GPR158: variants seen among roughly 807,000 people sequenced by gnomAD.
The protein encoded by GPR158 is G protein-coupled receptor 158.
GPR158 carries 30 observed loss-of-function variants against 78.2 expected under a neutral mutation model. The observed-to-expected ratio is 0.38, with a 90% CI of 0.29 to 0.52. GPR158 has a LOEUF of 0.52. Among genes scored for constraint, GPR158 ranks in the 20% least tolerant of loss-of-function variants. The pLI is 0.83. For synonymous variants in GPR158, 581 were observed against 591.1 expected, an observed-to-expected ratio of 0.98 and a Z score of 0.25; for missense variants, 1,463 against 1,523.5, an observed-to-expected ratio of 0.96 and a Z score of 0.66.
chr10:25,479,899 A>G (rs1258297509), intron 5 of GPR158, among the ~76,000 whole-genome samples: 1 of 151,536 alleles, frequency 6.6e-6, no homozygotes, highest in African/African-American at 2.4e-5. Context: ...GTCCTTTCCC[A>G]TTTTATTTTG....
intron 4 of GPR158, among the ~76,000 whole-genome samples, chr10:25,429,180 G>C (rs1446933952): frequency 1.3e-5 from 2 of 152,030 alleles, no homozygotes; most frequent in African/African-American, 4.8e-5. Context: ...TTTTGAACTT[G>C]AGATAGTTTG....
intron 5 of GPR158, among the ~76,000 whole-genome samples, chr10:25,541,135 T>G (rs1373271087): frequency 6.6e-6 from 1 of 151,788 alleles, no homozygotes; most frequent in Non-Finnish European, 1.5e-5. Context: ...TCAAGATTTT[T>G]GATTGCCAGA....
intron 5 of GPR158, among the ~76,000 whole-genome samples, chr10:25,496,586 TAGG>T (rs1473996364): frequency 1.3e-5 from 2 of 152,188 alleles, no homozygotes; most frequent in Non-Finnish European, 2.9e-5. Context: ...TTGGAAGAAT[TAGG>T]AGGCATTTGA....
chr10:25,256,173 G>GAA (rs59576970), intron 2 of GPR158, among the ~76,000 whole-genome samples: 1 of 136,768 alleles, frequency 7.3e-6, no homozygotes, highest in Non-Finnish European at 1.6e-5. Context: ...ACTTTCGACT[G>GAA]AAAAAAAAAA....
At chr10:25,259,719 C>T (rs563817501) in intron 2 of GPR158, among the ~76,000 whole-genome samples, 6 of 152,220 alleles carry the variant, frequency 3.9e-5, no homozygotes, top group Admixed American at 6.5e-5. Context: ...TGTTTCTGAA[C>T]ATATTGTATC....
chr10:25,281,788 G>GT (rs1221024981), intron 2 of GPR158, among the ~76,000 whole-genome samples: 1 of 152,022 alleles, frequency 6.6e-6, no homozygotes, highest in Non-Finnish European at 1.5e-5. Flanking sequence ...TAGTGAAATA[G>GT]AAGACATGCA....
intron 2 of GPR158, among the ~76,000 whole-genome samples, chr10:25,229,317 A>G (rs538320462): frequency 2.0e-4 from 31 of 152,176 alleles, no homozygotes; most frequent in Non-Finnish European, 3.7e-4. Context: ...ACTAACGCAA[A>G]TAACCCCAAA....
intron 2 of GPR158, among the ~76,000 whole-genome samples, chr10:25,343,246 A>T (rs1286094130): frequency 6.6e-6 from 1 of 151,930 alleles, no homozygotes; most frequent in African/African-American, 2.4e-5. Context: ...GGAATCTAGG[A>T]CTCTCTTTCT....
chr10:25,509,818 A>C (rs1376661182), intron 5 of GPR158, among the ~76,000 whole-genome samples: 2 of 152,160 alleles, frequency 1.3e-5, no homozygotes, highest in Non-Finnish European at 2.9e-5. Flanking sequence ...GGTTCAAAAA[A>C]TTCTCCTGCC....
intron 2 of GPR158, among the ~76,000 whole-genome samples, chr10:25,282,095 C>A (rs1047088291): frequency 2.0e-5 from 3 of 152,136 alleles, no homozygotes; most frequent in Non-Finnish European, 2.9e-5. Context: ...GTCAATCATT[C>A]CCCAAACTTC....
At chr10:25,457,442 CT>C (rs34488146) in intron 4 of GPR158, among the ~76,000 whole-genome samples, 3 of 150,394 alleles carry the variant, frequency 2.0e-5, no homozygotes, top group South Asian at 2.1e-4. Context: ...CTTCTGTATG[CT>C]TTTTTTTTCA....
intron 7 of GPR158, among the ~76,000 whole-genome samples, chr10:25,579,005 G>A (rs908198532): frequency 6.0e-5 from 9 of 150,116 alleles, no homozygotes; most frequent in Non-Finnish European, 1.0e-4. Context: ...GCAAGACTCC[G>A]TCTCAAAAAA....
At chr10:25,309,467 T>C (rs1854732559) in intron 2 of GPR158, among the ~76,000 whole-genome samples, 1 of 152,160 alleles carries the variant, frequency 6.6e-6, no homozygotes, top group Non-Finnish European at 1.5e-5. Context: ...CATTATTTGA[T>C]ATATGATTTG....
At chr10:25,340,310 G>C (rs1426737924) in intron 2 of GPR158, among the ~76,000 whole-genome samples, 3 of 152,154 alleles carry the variant, frequency 2.0e-5, no homozygotes, top group Middle Eastern at 3.4e-3. Flanking sequence ...CCCGTTAAAG[G>C]CCATTAATGA....
intron 3 of GPR158, among the ~76,000 whole-genome samples, chr10:25,401,719 A>T (rs1834448361): frequency 6.6e-6 from 1 of 152,118 alleles, no homozygotes; most frequent in Non-Finnish European, 1.5e-5. Context: ...GGGAAATTTG[A>T]CTATTAATTA....
At chr10:25,517,494 T>C (rs1343170496) in intron 5 of GPR158, among the ~76,000 whole-genome samples, 1 of 152,150 alleles carries the variant, frequency 6.6e-6, no homozygotes. Flanking sequence ...TTCAGTATGA[T>C]ATAGGCTGTG....
chr10:25,579,781 G>A (rs1251665616), intron 7 of GPR158, among the ~76,000 whole-genome samples: 1 of 152,168 alleles, frequency 6.6e-6, no homozygotes, highest in East Asian at 1.9e-4. Context: ...ATGATAGAAT[G>A]TTATAAAAAG....
At chr10:25,335,719 G>A (rs780347462) in intron 2 of GPR158, among the ~76,000 whole-genome samples, 5 of 151,966 alleles carry the variant, frequency 3.3e-5, no homozygotes, top group Admixed American at 1.3e-4. Context: ...GGCAAATAAA[G>A]TACCTTAGTT....
At chr10:25,437,550 G>A (rs1469378824) in intron 4 of GPR158, among the ~76,000 whole-genome samples, 1 of 152,156 alleles carries the variant, frequency 6.6e-6, no homozygotes, top group Admixed American at 6.5e-5. Context: ...GATTGAGATT[G>A]CATTTAATAG....
Sources: allele counts gnomAD v4.1 joint callset (sites outside exome capture counted in the v4.1 genomes callset), GRCh38; gene constraint gnomAD v4.1.1; transcripts MANE v1.5; gene names NCBI Gene and HGNC (gene_info 2026-07-23, HGNC 2026-07-21).